The following CIT variants were observed in gnomAD, a reference collection of about 807,000 sequenced individuals.
The protein encoded by CIT is citron Rho-interacting kinase.
Under a neutral mutation model 272.7 loss-of-function variants are expected in CIT, and 79 were observed. That is an observed-to-expected ratio of 0.29 (90% CI 0.24 to 0.35). The LOEUF is 0.35. CIT is among the 10% of genes least tolerant of loss of function. CIT has a pLI of 1.00. For synonymous variants in CIT, 948 were observed against 995.6 expected (o/e 0.95, Z 0.90); for missense variants, 1,909 against 2,618.3 (o/e 0.73, Z 5.91).
chr12:119,715,415 GA>G (rs1314469354), intron 32 of CIT, among the ~76,000 whole-genome samples: 3 of 152,192 alleles, frequency 2.0e-5, no homozygotes, highest in African/African-American at 7.2e-5. Context: ...TACATTCCAT[GA>G]AAGAAGCCAG....
At chr12:119,724,270 C>T (rs1390319709) in intron 28 of CIT, among the ~76,000 whole-genome samples, 1 of 152,096 alleles carries the variant, frequency 6.6e-6, no homozygotes, top group African/African-American at 2.4e-5. Context: ...GAGAGTCAGT[C>T]ACATGGTAAG....
Position 119,708,336 on chromosome 12 carries a change from C to A in CIT, c.5072-18G>T. On this transcript the variant is annotated intron_variant, in intron 39 of 47. Coordinates refer to ENST00000392521, the MANE Select transcript of CIT (RefSeq NM_001206999.2). Reference sequence around the variant, plus strand: ...CTCTTCTCCTGAACAGGAAAAGGAACAACCTCTCGTCAGTGTGAAGCCGTT... The same window carrying A: ...CTCTTCTCCTGAACAGGAAAAGGAAAAACCTCTCGTCAGTGTGAAGCCGTT... The A allele has an allele frequency of 6.4e-7, 1 of 1,564,304 alleles. No homozygotes were observed. The highest frequency in any genetic ancestry group is 8.7e-7 in the Non-Finnish European group (1 of 1,153,826).
chr12:119,821,826 G>A lies in CIT; in HGVS notation c.1111+994C>T, dbSNP rs529875794. Among the ~76,000 whole-genome samples the A allele has an allele frequency of 8.0e-4, 122 of 152,172 alleles. 3 individuals carry two copies. Among genetic ancestry groups the A allele is most frequent in the African/African-American group, 2.6e-3 (109 of 41,500 alleles). On this transcript the variant is annotated intron_variant, in intron 9 of 47. Transcript: ENST00000392521. Reference sequence around the variant, plus strand: ...TTTATTTAGAAAAATAAAGCAATGTGGCCACCCGAATAATAAAAACATTTG... The same window carrying A: ...TTTATTTAGAAAAATAAAGCAATGTAGCCACCCGAATAATAAAAACATTTG...
Position 119,758,568 on chromosome 12 carries a change from G to A in CIT, c.2531+23C>T, listed in dbSNP as rs149926447. 176 of 1,418,824 alleles carry A rather than the reference G, an allele frequency of 1.2e-4. No individual in the cohort carries two copies. In the African/African-American group the frequency reaches 2.2e-3, roughly 17 times the overall value. The allele number at this position is 1,418,824 out of a possible 1,614,324, so 87.9% of individuals were successfully genotyped here. ...GGAGACCAAAGTGTAATAATGTAGG[G>A]CAGTTAGAATTTGAATACTTACATG... On this transcript the variant is annotated intron_variant, in intron 21 of 47. Transcript: ENST00000392521.
intron 23 of CIT, among the ~76,000 whole-genome samples, chr12:119,750,758 TAGATAGATAGATAG>T (rs1218673158): frequency 1.2e-5 from 1 of 80,778 alleles, no homozygotes; most frequent in African/African-American, 4.9e-5. Flanking sequence ...TATAGATAGA[TAGATAGATAGATAG>T]ATAGATAGAT....
intron 28 of CIT, among the ~76,000 whole-genome samples, chr12:119,723,031 G>T (rs1957885432): frequency 6.6e-6 from 1 of 151,674 alleles, no homozygotes; most frequent in Non-Finnish European, 1.5e-5. Flanking sequence ...TTCCAGCCTG[G>T]GCGACAGAGC....
chr12:119,834,029 C>A, intron 6 of CIT, 57 bp downstream of exon 6: 1 of 1,518,850 alleles, frequency 6.6e-7, no homozygotes, highest in Non-Finnish European at 8.9e-7. Context: ...CATGCAGGAA[C>A]TCTTATGCGA....
intron 1 of CIT, 67 bp downstream of exon 1, chr12:119,877,182 G>C (rs1950880145): frequency 6.6e-6 from 1 of 152,280 alleles, no homozygotes; most frequent in Non-Finnish European, 1.5e-5. Flanking sequence ...TGTATGGGTG[G>C]AGGCGGCCCT....
At chr12:119,769,472 T>C (rs1288960526) in intron 18 of CIT, among the ~76,000 whole-genome samples, 2 of 152,214 alleles carry the variant, frequency 1.3e-5, no homozygotes, top group African/African-American at 4.8e-5. Flanking sequence ...GCTCATTAAA[T>C]ATTTGTTGAA....
At chr12:119,709,994 G>C (rs1447201187) in intron 39 of CIT, among the ~76,000 whole-genome samples, 2 of 152,126 alleles carry the variant, frequency 1.3e-5, no homozygotes, top group Non-Finnish European at 2.9e-5. Flanking sequence ...TAGTCTTCGA[G>C]GCTTAGCACT....
intron 5 of CIT, among the ~76,000 whole-genome samples, chr12:119,845,519 G>C (rs147896012): frequency 6.6e-6 from 1 of 151,728 alleles, no homozygotes; most frequent in Admixed American, 6.6e-5. Context: ...CGGACATGGT[G>C]GTGGGCACCT....
chr12:119,715,838 A>T (rs971814151), intron 32 of CIT, among the ~76,000 whole-genome samples: 1 of 152,196 alleles, frequency 6.6e-6, no homozygotes, highest in African/African-American at 2.4e-5. Context: ...AGGCTTTAAG[A>T]ACATGTTACT....
At chr12:119,735,851 GATA>G (rs1958722482) in intron 24 of CIT, among the ~76,000 whole-genome samples, 1 of 151,998 alleles carries the variant, frequency 6.6e-6, no homozygotes, top group African/African-American at 2.4e-5. Context: ...GAGTTATTTC[GATA>G]ATATCACAAG....
intron 5 of CIT, among the ~76,000 whole-genome samples, chr12:119,844,239 C>T (rs1194519666): frequency 6.6e-6 from 1 of 151,984 alleles, no homozygotes; most frequent in Non-Finnish European, 1.5e-5. Context: ...CCAGGCTGGG[C>T]TTGAACTCCT....
intron 23 of CIT, among the ~76,000 whole-genome samples, chr12:119,749,208 T>C (rs568281137): frequency 6.6e-6 from 1 of 152,338 alleles, no homozygotes; most frequent in Admixed American, 6.5e-5. Flanking sequence ...TTTCACAGGC[T>C]AGGAGATGAC....
chr12:119,716,313 G>A (rs278100), intron 32 of CIT, among the ~76,000 whole-genome samples: 1 of 142,978 alleles, frequency 7.0e-6, no homozygotes, highest in South Asian at 2.2e-4. Flanking sequence ...GGGAGGCAGA[G>A]GTTGCAGTGA....
rs956555783 is a variant in CIT at position 119,714,046 on chromosome 12, C to A, written c.4306+151G>T. The A allele has an allele frequency of 1.4e-5, 12 of 857,476 alleles. No individual in the cohort carries two copies. The East Asian group carries it at 3.2e-4, about 23-fold the overall frequency. 53.1% of individuals were successfully genotyped at this position (857,476 alleles called of 1,614,324 possible). The stretch of plus-strand genomic sequence containing the variant: ...GACATATATAAACTCACAGCTTCAA[C>A]AGGGGAAAAATAGCATCCTCCTACT... On this transcript the variant is annotated intron_variant, in intron 33 of 47. Coordinates refer to ENST00000392521, the MANE Select transcript of CIT (RefSeq NM_001206999.2).
In CIT at chr12:119,835,011, C is replaced by A. The variant is rs1049908496; in HGVS notation, c.517-783G>T. On this transcript the variant is annotated intron_variant, in intron 5 of 47. Transcript: ENST00000392521. ...ATCTTGTAAAGAATAAAGTACAACC[C>A]CTTTTTTGAAATAAACAAGGAATTA... Among the ~76,000 whole-genome samples, 3 of 152,110 alleles carry A rather than the reference C, an allele frequency of 2.0e-5. No individual in the cohort carries two copies. In the South Asian group the frequency reaches 6.2e-4, roughly 32 times the overall value.
chr12:119,729,260 GTAACCCAGTT>G (rs1423181504), intron 27 of CIT, among the ~76,000 whole-genome samples: 1 of 152,082 alleles, frequency 6.6e-6, no homozygotes, highest in Non-Finnish European at 1.5e-5. Context: ...AAAAAAAATG[GTAACCCAGTT>G]TCAGGGAACT....
Sources: allele counts gnomAD v4.1 joint callset (sites outside exome capture counted in the v4.1 genomes callset), GRCh38; gene constraint gnomAD v4.1.1; transcripts MANE v1.5; gene names NCBI Gene and HGNC (gene_info 2026-07-23, HGNC 2026-07-21).